Variants in HOOK3 observed in about 807,000 individuals in gnomAD.
HOOK3 encodes hook microtubule tethering protein 3, also known as protein Hook homolog 3.
HOOK3 carries 24 observed loss-of-function variants against 116.3 expected under a neutral mutation model. The observed-to-expected ratio is 0.21, with a 90% CI of 0.15 to 0.29. The LOEUF is 0.29. Among genes scored for constraint, HOOK3 ranks in the 10% least tolerant of loss-of-function variants. The pLI is 1.00. For missense variants in HOOK3, 632 were observed against 830.2 expected (o/e 0.76, Z 2.93); for synonymous variants, 275 against 283.0 (o/e 0.97, Z 0.28).
chr8:42,986,082 G>A (rs1214016394), intron 14 of HOOK3, among the ~76,000 whole-genome samples: 2 of 152,198 alleles, frequency 1.3e-5, no homozygotes, highest in Admixed American at 6.5e-5. Flanking sequence ...TGTCCCTGCA[G>A]TAAATATGGT....
In HOOK3 at chr8:43,013,418, T is replaced by C. The variant is rs780999690; in HGVS notation, c.2016+18T>C. 1 of 1,546,044 alleles carries C rather than the reference T, an allele frequency of 6.5e-7. No individual in the cohort carries two copies. Among genetic ancestry groups the C allele is most frequent in the Non-Finnish European group, 8.7e-7 (1 of 1,149,478 alleles). Reference sequence around the variant, plus strand: ...ACAATATGGTAAGAAAATAGTACTTTGGAGCATAATGAAAACTTCAATGAA... The same window carrying C: ...ACAATATGGTAAGAAAATAGTACTTCGGAGCATAATGAAAACTTCAATGAA... On this transcript the variant is annotated intron_variant, in intron 21 of 21. Transcript: ENST00000307602.
intron 2 of HOOK3, 85 bp from the exon 3 acceptor site, chr8:42,925,472 T>A: frequency 1.2e-6 from 1 of 842,050 alleles, no homozygotes; most frequent in Non-Finnish European, 1.9e-6. Flanking sequence ...TGCAGTTAAG[T>A]GATTATATGG....
In HOOK3 at chr8:43,022,891, G is replaced by A. The variant is rs1809855074; in HGVS notation, c.*4393G>A. 5.9e-6 allele frequency: 1 copy of A among 169,046 alleles called. No individual in the cohort carries two copies. The highest frequency in any genetic ancestry group is 2.4e-5 in the African/African-American group (1 of 42,012). The allele number at this position is 169,046 out of a possible 1,614,324, so 10.5% of individuals were successfully genotyped here. On this transcript the variant is annotated 3_prime_UTR_variant, in exon 22 of 22. Transcript: ENST00000307602. ...TAAAAGCTCAACTGTACAAAATTAA[G>A]CTAAATGTTATCCAGTCAGAAACAT...
chr8:42,929,826 T>C (rs746408557), intron 3 of HOOK3, among the ~76,000 whole-genome samples: 1 of 152,158 alleles, frequency 6.6e-6, no homozygotes. Flanking sequence ...ACAGAAAACC[T>C]AAATAATTTA....
intron 13 of HOOK3, among the ~76,000 whole-genome samples, chr8:42,976,397 C>T (rs1202909872): frequency 6.6e-6 from 1 of 152,092 alleles, no homozygotes; most frequent in Non-Finnish European, 1.5e-5. Context: ...GTGGGCCCAA[C>T]TACTCAGGAG....
At chr8:42,915,245 G>A (rs1424754890) in intron 2 of HOOK3, among the ~76,000 whole-genome samples, 1 of 151,922 alleles carries the variant, frequency 6.6e-6, no homozygotes, top group Non-Finnish European at 1.5e-5. Context: ...GGGCATGGTG[G>A]CGCATACTTG....
At position 42,959,278 on chromosome 8, in the gene HOOK3, A is replaced by G. The variant is rs1586610086; in HGVS notation, c.579A>G (p.Glu193=). Residue 193 remains glutamate, a synonymous_variant, in exon 8 of 22, where the codon GAA becomes GAG. Transcript: ENST00000307602. The stretch of plus-strand genomic sequence containing the variant: ...TAAATGAAGCTTTGTCAGCAAAGGA[A>G]GAAATTGCTCAAAGATGCCATGAAC... ...EELNEALSAK[E]EIAQRCHELD... The G allele has an allele frequency of 2.5e-6, 4 of 1,613,934 alleles. No homozygotes were observed. Among genetic ancestry groups the G allele is most frequent in the South Asian group, 1.1e-5 (1 of 91,082 alleles).
chr8:42,970,286 A>G (rs1188001555), intron 11 of HOOK3, among the ~76,000 whole-genome samples: 4 of 152,168 alleles, frequency 2.6e-5, no homozygotes, highest in East Asian at 1.9e-4. Flanking sequence ...TTCCCTTGGT[A>G]TATTTATCTC....
intron 15 of HOOK3, among the ~76,000 whole-genome samples, chr8:42,991,229 C>T (rs1213849969): frequency 6.6e-6 from 1 of 151,960 alleles, no homozygotes; most frequent in Non-Finnish European, 1.5e-5. Context: ...AACATGATTC[C>T]TCTAGTTTTG....
chr8:42,990,851 C>T (rs1258175304), intron 15 of HOOK3, among the ~76,000 whole-genome samples: 3 of 152,098 alleles, frequency 2.0e-5, no homozygotes, highest in African/African-American at 7.2e-5. Flanking sequence ...CTCCTTTTTC[C>T]TTTGGTTCCT....
intron 3 of HOOK3, among the ~76,000 whole-genome samples, chr8:42,928,513 A>G (rs1807813873): frequency 6.6e-6 from 1 of 152,182 alleles, no homozygotes; most frequent in Non-Finnish European, 1.5e-5. Context: ...GATGTTTCAA[A>G]TAATGCTACT....
At chr8:42,922,782 C>G (rs1450521941) in intron 2 of HOOK3, among the ~76,000 whole-genome samples, 1 of 151,256 alleles carries the variant, frequency 6.6e-6, no homozygotes, top group Non-Finnish European at 1.5e-5. Context: ...CGCCTGTAAG[C>G]CCAGCTACTT....
At chr8:42,967,879 G>A in intron 10 of HOOK3, 134 bp from the exon 11 acceptor site, 2 of 604,904 alleles carry the variant, frequency 3.3e-6, no homozygotes, top group Non-Finnish European at 6.0e-6. Flanking sequence ...GTTAACCTGT[G>A]CAGAAAATTA....
chr8:42,953,421 G>A (rs1225543033), intron 6 of HOOK3, among the ~76,000 whole-genome samples: 4 of 151,740 alleles, frequency 2.6e-5, no homozygotes, highest in Admixed American at 6.6e-5. Context: ...AATATTAGCC[G>A]GGCGTGGTGG....
chr8:42,928,133 G>A (rs1353362591), intron 3 of HOOK3, among the ~76,000 whole-genome samples: 2 of 152,128 alleles, frequency 1.3e-5, no homozygotes, highest in Non-Finnish European at 2.9e-5. Context: ...ACAAAAATTA[G>A]CTGGACATGG....
rs150616154 is a variant in HOOK3 at position 43,016,156 on chromosome 8, C to T, written c.2017-2202C>T. 1.0e-3 allele frequency among the ~76,000 whole-genome samples: 151 copies of T among 150,306 alleles called. 1 individual carries two copies. In the East Asian group the frequency reaches 0.027, roughly 27 times the overall value. On this transcript the variant is annotated intron_variant, in intron 21 of 21. Coordinates refer to ENST00000307602, the MANE Select transcript of HOOK3 (RefSeq NM_032410.4). ...TTTTTTAAATGGAGTCTTTCTCTGTCGCCCAGGCTGGAGTGCAGTGGCACG... is the reference window on the plus strand; with the variant it reads ...TTTTTTAAATGGAGTCTTTCTCTGTTGCCCAGGCTGGAGTGCAGTGGCACG...
chr8:42,941,517 C>CAAA (rs960451235), intron 4 of HOOK3, among the ~76,000 whole-genome samples: 40 of 43,716 alleles, frequency 9.1e-4, no homozygotes, highest in East Asian at 1.4e-3. Context: ...GACTCCGTCT[C>CAAA]AAAAAAAAAA....
At chr8:42,995,430 A>G (rs1809246169) in intron 15 of HOOK3, among the ~76,000 whole-genome samples, 1 of 152,102 alleles carries the variant, frequency 6.6e-6, no homozygotes, top group Non-Finnish European at 1.5e-5. Flanking sequence ...CCCCTTCTTC[A>G]AATTTTTTAT....
chr8:43,013,404 A>G lies in HOOK3; in HGVS notation c.2016+4A>G. 1 of 1,574,292 alleles carries G rather than the reference A, an allele frequency of 6.4e-7. No individual in the cohort carries two copies. The highest frequency in any genetic ancestry group is 8.6e-7 in the Non-Finnish European group (1 of 1,163,642). ...TGTTAGTGCCTGGTACAATATGGTA[A>G]GAAAATAGTACTTTGGAGCATAATG... On this transcript the variant is annotated splice_donor_region_variant and intron_variant, in intron 21 of 21. Transcript: ENST00000307602.
Sources: gnomAD v4.1 joint callset for allele counts (sites outside exome capture counted in the v4.1 genomes callset) on GRCh38, gnomAD v4.1.1 for gene constraint, MANE v1.5 for transcripts, NCBI Gene and HGNC (gene_info 2026-07-23, HGNC 2026-07-21) for gene names.